Variants in CNTNAP2 observed in about 807,000 individuals in gnomAD.
CNTNAP2 encodes contactin associated protein 2.
Under a neutral mutation model 155.2 loss-of-function variants are expected in CNTNAP2, and 98 were observed. The ratio of observed to expected loss-of-function variants is 0.63; its 90% CI spans 0.54 to 0.75. The LOEUF is 0.75. CNTNAP2 is among the 30% of genes least tolerant of loss of function. CNTNAP2 has a pLI of 0.00. For synonymous variants in CNTNAP2, 651 were observed against 631.2 expected, an observed-to-expected ratio of 1.03 and a Z score of -0.47; for missense variants, 1,727 against 1,688.1, an observed-to-expected ratio of 1.02 and a Z score of -0.40.
chr7:146,961,613 C>T (rs974314393), intron 3 of CNTNAP2, among the ~76,000 whole-genome samples: 1 of 152,106 alleles, frequency 6.6e-6, no homozygotes, highest in Admixed American at 6.5e-5. Flanking sequence ...TTGGTGACTC[C>T]TGTCCCTGGA....
At chr7:148,396,728 G>A (rs1052769768) in intron 22 of CNTNAP2, among the ~76,000 whole-genome samples, 5 of 152,166 alleles carry the variant, frequency 3.3e-5, no homozygotes, top group African/African-American at 1.2e-4. Context: ...CTGATTCCAC[G>A]TGCTCTGCAT....
At chr7:148,355,166 CTTTT>C (rs1167992306) in intron 21 of CNTNAP2, among the ~76,000 whole-genome samples, 28 of 41,008 alleles carry the variant, frequency 6.8e-4, no homozygotes, top group Non-Finnish European at 8.3e-4. Flanking sequence ...CCGCCAGCTG[CTTTT>C]TTTTTTTTTT....
intron 12 of CNTNAP2, among the ~76,000 whole-genome samples, chr7:147,597,655 A>G (rs569030928): frequency 1.6e-4 from 25 of 152,300 alleles, no homozygotes; most frequent in African/African-American, 6.0e-4. Context: ...TTAGATAGGA[A>G]CTACCTCAAG....
intron 15 of CNTNAP2, among the ~76,000 whole-genome samples, chr7:148,024,502 G>T (rs576821421): frequency 6.6e-6 from 1 of 152,224 alleles, no homozygotes; most frequent in South Asian, 2.1e-4. Flanking sequence ...GCTTCAGTCC[G>T]CTATGATACT....
chr7:148,027,547 C>T (rs1802396598), intron 15 of CNTNAP2, among the ~76,000 whole-genome samples: 1 of 152,170 alleles, frequency 6.6e-6, no homozygotes. Flanking sequence ...CATTTTCCTA[C>T]TTGTCAAATG....
chr7:147,873,559 G>T (rs558824631), intron 13 of CNTNAP2, among the ~76,000 whole-genome samples: 25 of 152,188 alleles, frequency 1.6e-4, no homozygotes, highest in African/African-American at 6.0e-4. Flanking sequence ...GATTTAATTA[G>T]CTCCCACAGG....
At chr7:146,313,170 A>G (rs1800854474) in intron 1 of CNTNAP2, among the ~76,000 whole-genome samples, 1 of 152,204 alleles carries the variant, frequency 6.6e-6, no homozygotes. Flanking sequence ...ATACTTTCCC[A>G]TCAACAATGT....
At chr7:147,939,521 G>A (rs376809104) in intron 14 of CNTNAP2, among the ~76,000 whole-genome samples, 280 of 152,080 alleles carry the variant, frequency 1.8e-3, no homozygotes, top group African/African-American at 6.1e-3. Context: ...TAGAGATGGG[G>A]TTTCACCATG....
intron 4 of CNTNAP2, among the ~76,000 whole-genome samples, chr7:147,095,224 T>C (rs1002565563): frequency 7.7e-5 from 11 of 142,192 alleles, no homozygotes; most frequent in Middle Eastern, 3.8e-3. Flanking sequence ...TCAGTACAGA[T>C]GGGGTTTCAC....
At chr7:148,034,908 T>G (rs948059607) in intron 15 of CNTNAP2, among the ~76,000 whole-genome samples, 8 of 152,216 alleles carry the variant, frequency 5.3e-5, no homozygotes, top group African/African-American at 1.9e-4. Context: ...AAATGAGGAA[T>G]AGCTTATTAG....
chr7:148,247,120 A>T (rs1419812778), intron 20 of CNTNAP2, among the ~76,000 whole-genome samples: 2 of 152,118 alleles, frequency 1.3e-5, no homozygotes, highest in Non-Finnish European at 1.5e-5. Flanking sequence ...CAAACTATAA[A>T]CCTTAGTGGT....
chr7:146,537,887 C>T (rs1797893771), intron 1 of CNTNAP2, among the ~76,000 whole-genome samples: 2 of 152,042 alleles, frequency 1.3e-5, no homozygotes, highest in African/African-American at 2.4e-5. Flanking sequence ...TTGAATGAAA[C>T]TACAATGGCT....
At chr7:146,328,081 G>A (rs73740440) in intron 1 of CNTNAP2, among the ~76,000 whole-genome samples, 12,116 of 152,162 alleles carry the variant, frequency 0.08, 1,366 homozygotes, top group African/African-American at 0.25. Flanking sequence ...CTGCTCAGCC[G>A]GAGGTGAGCA....
intron 10 of CNTNAP2, among the ~76,000 whole-genome samples, chr7:147,481,453 A>G (rs748695007): frequency 3.9e-5 from 6 of 152,216 alleles, no homozygotes; most frequent in Non-Finnish European, 8.8e-5. Flanking sequence ...TAAAAGTGCA[A>G]CTGTCATCCA....
intron 12 of CNTNAP2, among the ~76,000 whole-genome samples, chr7:147,562,538 A>C (rs2116790207): frequency 6.6e-6 from 1 of 152,318 alleles, no homozygotes. Context: ...AAAGTTGCAA[A>C]GTTCAGCCCA....
intron 3 of CNTNAP2, among the ~76,000 whole-genome samples, chr7:146,977,652 T>C (rs1480327789): frequency 2.0e-5 from 3 of 152,228 alleles, no homozygotes; most frequent in Non-Finnish European, 1.5e-5. Flanking sequence ...AACTCTTAAA[T>C]AATATGCATT....
In CNTNAP2 at chr7:147,927,487, T is replaced by C. The variant is rs1664980823; in HGVS notation, c.2255+23766T>C. Among the ~76,000 whole-genome samples, 3 of 152,356 alleles carry C rather than the reference T, an allele frequency of 2.0e-5. No homozygotes were observed. The South Asian group carries it at 6.2e-4, about 32-fold the overall frequency. On this transcript the variant is annotated intron_variant, in intron 14 of 23. Coordinates refer to ENST00000361727, the MANE Select transcript of CNTNAP2 (RefSeq NM_014141.6). ...GTTTCAAATGGATTGTCAAGATAAC[T>C]GATGTACTCCGTAAATATATACATC...
At chr7:147,417,627 T>C (rs540504210) in intron 10 of CNTNAP2, among the ~76,000 whole-genome samples, 1 of 152,330 alleles carries the variant, frequency 6.6e-6, no homozygotes, top group South Asian at 2.1e-4. Flanking sequence ...AAACTTCCTT[T>C]CCTTTTCTCA....
At chr7:146,537,801 A>T (rs1044403210) in intron 1 of CNTNAP2, among the ~76,000 whole-genome samples, 1 of 152,088 alleles carries the variant, frequency 6.6e-6, no homozygotes, top group Non-Finnish European at 1.5e-5. Context: ...CAGGCCAGTA[A>T]GACTTGGGTT....
Sources: allele counts gnomAD v4.1 joint callset (sites outside exome capture counted in the v4.1 genomes callset), GRCh38; gene constraint gnomAD v4.1.1; transcripts MANE v1.5; gene names NCBI Gene and HGNC (gene_info 2026-07-23, HGNC 2026-07-21).